Variants in CHRNB4 observed in about 807,000 individuals in gnomAD.
The protein encoded by CHRNB4 is neuronal acetylcholine receptor subunit beta-4.
In CHRNB4, 23 loss-of-function variants were observed where a neutral mutation model predicts 40.4. The observed-to-expected ratio is 0.57, with a 90% CI of 0.41 to 0.81. CHRNB4 has a LOEUF of 0.81. Ranked by LOEUF, CHRNB4 falls within the 30% of genes least tolerant of loss-of-function variation. CHRNB4 has a pLI of 0.00. For missense variants in CHRNB4, 568 were observed against 670.6 expected (o/e 0.85, Z 1.69); for synonymous variants, 285 against 274.4 (o/e 1.04, Z -0.38).
At chr15:78,644,856 G>A (rs551391744), upstream of CHRNB4, among the ~76,000 whole-genome samples, 169 of 152,218 alleles carry the variant, frequency 1.1e-3, 1 homozygote, top group African/African-American at 4.0e-3. Flanking sequence ...GACACCGCTG[G>A]TGCCCTCTCC....
chr15:78,629,981 C>A lies in CHRNB4; in HGVS notation c.360-36G>T. On this transcript the variant is annotated intron_variant, in intron 4 of 5. Coordinates refer to ENST00000261751, the MANE Select transcript of CHRNB4 (RefSeq NM_000750.5). This position sits in a 1 kb window ranked among gnomAD's most constrained non-coding sequence, Gnocchi z 6.8. ...TCAGGGCATGGAGAACATCGTGAAA[C>A]CCATACACAAAACCTGGCCTGTTCT... 1 of 1,514,392 alleles carries A rather than the reference C, an allele frequency of 6.6e-7. No homozygotes were observed. The highest frequency in any genetic ancestry group is 8.8e-7 in the Non-Finnish European group (1 of 1,139,992). 93.8% of individuals were successfully genotyped at this position (1,514,392 alleles called of 1,614,324 possible).
intron 2 of CHRNB4, among the ~76,000 whole-genome samples, chr15:78,658,105 A>G (rs1360167681): frequency 7.5e-6 from 1 of 134,010 alleles, no homozygotes; most frequent in Non-Finnish European, 1.5e-5. Context: ...ATCTCAGCTC[A>G]CTGCAATCTC....
intron 1 of CHRNB4, among the ~76,000 whole-genome samples, chr15:78,638,959 C>A (rs1596115870): frequency 6.6e-6 from 1 of 152,176 alleles, no homozygotes. Context: ...GGAGTGGGCC[C>A]CACCAGCCTC....
chr15:78,651,412 T>C (rs2054170560), intron 6 of CHRNB4, among the ~76,000 whole-genome samples: 1 of 152,198 alleles, frequency 6.6e-6, no homozygotes, highest in African/African-American at 2.4e-5. Flanking sequence ...CTGCTGACCA[T>C]ATGACCTGCA....
At chr15:78,641,290 C>A (rs1324035535), upstream of CHRNB4, 1 of 614,910 alleles carries the variant, frequency 1.6e-6, no homozygotes, top group African/African-American at 2.0e-5. Context: ...CCGAGCCCCG[C>A]CCACTCAGGG....
At chr15:78,650,025 C>A (rs2054158664) in intron 6 of CHRNB4, among the ~76,000 whole-genome samples, 1 of 145,090 alleles carries the variant, frequency 6.9e-6, no homozygotes, top group African/African-American at 2.6e-5. Context: ...TAAAGGAGTG[C>A]CTTTTCATGA....
rs1278875404 is a variant in CHRNB4, at chr15:78,629,897, C to A, written c.408G>T (p.Arg136=). Residue 136 remains arginine (R), a synonymous_variant, in exon 5 of 6, where the codon CGG becomes CGT. Coordinates refer to ENST00000261751, the MANE Select transcript of CHRNB4 (RefSeq NM_000750.5). The surrounding 1 kb of genome is among the most constrained non-coding windows in gnomAD (Gnocchi z 6.8). ...EVSVYTNLIV[R]SNGSVLWLPP... Reference sequence around the variant, plus strand: ...GCAGCCACAGGACGCTGCCGTTGGACCGGACTATCAAGTTGGTGTAGACAG... The same window carrying A: ...GCAGCCACAGGACGCTGCCGTTGGAACGGACTATCAAGTTGGTGTAGACAG... 1.2e-6 allele frequency: 2 copies of A among 1,610,676 alleles called. No individual in the cohort carries two copies. The highest frequency in any genetic ancestry group is 1.7e-5 in the Admixed American group (1 of 59,908).
intron 7 of CHRNB4, among the ~76,000 whole-genome samples, chr15:78,648,111 G>A (rs2054141290): frequency 6.6e-6 from 1 of 151,018 alleles, no homozygotes; most frequent in Non-Finnish European, 1.5e-5. Flanking sequence ...GGGGGTGGTA[G>A]GGCCGGGCGA....
chr15:78,648,617 G>A (rs1020333418), intron 7 of CHRNB4, among the ~76,000 whole-genome samples: 1 of 151,438 alleles, frequency 6.6e-6, no homozygotes, highest in Non-Finnish European at 1.5e-5. Flanking sequence ...AGCCAGGTGT[G>A]GTGGCAGATG....
At position 78,647,198 on chromosome 15, in the gene CHRNB4, CTAAAG is replaced by C. The variant is rs1373011788; in HGVS notation, c.46+2176_46+2180del. On this transcript the variant is annotated intron_variant and NMD_transcript_variant, in intron 7 of 11. Coordinates refer to the CHRNB4 transcript ENST00000559849. ...AAAAATGGTAATAGATTTGACTTCA[CTAAAG>C]TATTTAAACTTCTATTCAACCAAAC... Among the ~76,000 whole-genome samples the C allele has an allele frequency of 9.9e-5, 15 of 152,222 alleles. No individual in the cohort carries two copies. In the East Asian group the frequency reaches 2.7e-3, roughly 27 times the overall value.
rs542882025 is a variant in CHRNB4, at chr15:78,627,516, G to C, written c.1338+1451C>G. 8 of 152,346 alleles carry C rather than the reference G, an allele frequency of 5.3e-5. No homozygotes were observed. The South Asian group carries it at 1.7e-3, about 32-fold the overall frequency. The allele number at this position is 152,346 out of a possible 1,614,324, so 9.4% of individuals were successfully genotyped here. A position where few individuals can be genotyped will look rare whatever the true frequency, so the allele number is the denominator to read the frequency against. On this transcript the variant is annotated intron_variant, in intron 5 of 5. Coordinates refer to ENST00000261751, the MANE Select transcript of CHRNB4 (RefSeq NM_000750.5). ...TTCTCTGTGGGCTAACTAATGGAAT[G>C]CCAGCGCTTCTCCTTGAGAATGCAG...
intron 1 of CHRNB4, among the ~76,000 whole-genome samples, chr15:78,637,826 C>A (rs533075094): frequency 6.6e-6 from 1 of 152,178 alleles, no homozygotes; most frequent in African/African-American, 2.4e-5. Flanking sequence ...TGCCCCTCCC[C>A]CAGGCTGCCC....
Position 78,628,971 on chromosome 15 carries a change from T to C in CHRNB4, c.1334A>G (p.Gln445Arg), listed in dbSNP as rs755953719. The C allele has an allele frequency of 1.2e-6, 2 of 1,610,992 alleles. No individual in the cohort carries two copies. Among genetic ancestry groups the C allele is most frequent in the East Asian group, 2.2e-5 (1 of 44,808 alleles). ...AQHMKNDDED[Q>R]SVVEDWKYVA... ...AGGGGCTGGTTAGCAACTTACACTCTGGTCTTCATCGTCATTCTTCATGTG... is the reference window on the plus strand; with the variant it reads ...AGGGGCTGGTTAGCAACTTACACTCCGGTCTTCATCGTCATTCTTCATGTG... Residue 445 changes from glutamine (Q) to arginine (R), a missense_variant, in exon 5 of 6, where the codon CAG becomes CGG. Gln to Arg is a conservative substitution (Grantham distance 43, BLOSUM62 1). Transcript: ENST00000261751.
intron 2 of CHRNB4, among the ~76,000 whole-genome samples, chr15:78,632,026 C>T (rs1353275736): frequency 1.3e-5 from 2 of 152,174 alleles, no homozygotes; most frequent in African/African-American, 4.8e-5. Context: ...CTGGAAACCC[C>T]CTGGGATGCT....
At chr15:78,650,677 G>T (rs146519820) in intron 6 of CHRNB4, among the ~76,000 whole-genome samples, 1 of 152,222 alleles carries the variant, frequency 6.6e-6, no homozygotes, top group African/African-American at 2.4e-5. Context: ...GGCCGTGGCC[G>T]CAAGTGGTGT....
At chr15:78,641,252 G>C (rs1250639756), upstream of CHRNB4, 1 of 905,982 alleles carries the variant, frequency 1.1e-6, no homozygotes, top group Non-Finnish European at 1.5e-6. Context: ...GCGGGGCGGC[G>C]CTCACTAGGA....
chr15:78,641,807 G>A (rs555626561), upstream of CHRNB4, among the ~76,000 whole-genome samples: 35 of 152,312 alleles, frequency 2.3e-4, no homozygotes, highest in South Asian at 6.2e-4. Flanking sequence ...CCTCCCCCAT[G>A]GGCCTTCCAA....
intron 2 of CHRNB4, chr15:78,634,722 A>T: frequency 2.2e-6 from 1 of 456,010 alleles, no homozygotes; most frequent in Non-Finnish European, 4.4e-6. Flanking sequence ...AGCTTCTTCC[A>T]GGGACGGAGT....
At chr15:78,635,642 C>T in intron 1 of CHRNB4, 55 bp from the exon 2 acceptor site, 2 of 1,601,922 alleles carry the variant, frequency 1.2e-6, no homozygotes, top group South Asian at 2.3e-5. Flanking sequence ...ACCCCCACTG[C>T]AGCCTGTGGC....
Sources: gnomAD v4.1 joint callset for allele counts (sites outside exome capture counted in the v4.1 genomes callset) on GRCh38, gnomAD v4.1.1 for gene constraint, Gnocchi (gnomAD v3.1) non-coding constraint, MANE v1.5 for transcripts, NCBI Gene and HGNC (gene_info 2026-07-23, HGNC 2026-07-21) for gene names.